HSPA4: variants seen among roughly 807,000 people sequenced by gnomAD.
HSPA4 encodes the protein heat shock protein family A (Hsp70) member 4, also known as heat shock 70 kDa protein 4.
A neutral mutation model predicts 106.2 loss-of-function variants in HSPA4; 25 were observed. The observed-to-expected ratio is 0.24, with a 90% CI of 0.17 to 0.33. HSPA4 has a LOEUF of 0.33. Among genes scored for constraint, HSPA4 ranks in the 10% least tolerant of loss-of-function variants. The probability of loss-of-function intolerance (pLI) is 1.00; values close to 1 mark genes in which losing one functional copy is unlikely to be tolerated. For missense variants in HSPA4, 841 were observed against 996.0 expected (o/e 0.84, Z 2.10); for synonymous variants, 332 against 333.6 (o/e 1.00, Z 0.05).
rs756561855 is a variant in HSPA4, at chr5:133,073,213, C to CT, written c.430-5dup. 0.1 allele frequency: 112,748 copies of CT among 1,097,558 alleles called. 170 individuals carry two copies. Among genetic ancestry groups the CT allele is most frequent in the Non-Finnish European group, 0.11 (90,806 of 792,500 alleles). 68.0% of individuals were successfully genotyped at this position (1,097,558 alleles called of 1,614,324 possible). On this transcript the variant is annotated splice_polypyrimidine_tract_variant and intron_variant, in intron 4 of 18. Coordinates refer to ENST00000304858, the MANE Select transcript of HSPA4 (RefSeq NM_002154.4). ...TAGAATCTATAATACAGTAAGCATT[C>CT]TTTTTTTTTTTTGTAGGTTCCTTGT...
intron 2 of HSPA4, among the ~76,000 whole-genome samples, chr5:133,065,348 T>G (rs1765294384): frequency 1.3e-5 from 2 of 152,232 alleles, no homozygotes; most frequent in Admixed American, 1.3e-4. Flanking sequence ...TATTAGGTGT[T>G]ATAAGTAATC....
Position 133,099,617 on chromosome 5 carries a change from A to G in HSPA4, c.2002A>G (p.Lys668Glu), listed in dbSNP as rs1407082795. Residue 668 changes from lysine (K) to glutamate (E), a missense_variant, in exon 16 of 19, where the codon AAG becomes GAG. By Grantham distance (56) the Lys-to-Glu change is moderately conservative. This residue lies in a region of HSPA4 where 328 missense variants were observed against 372.2 expected (regional missense o/e 0.88). Coordinates refer to ENST00000304858, the MANE Select transcript of HSPA4 (RefSeq NM_002154.4). ...GTATGAGGATGGAGAAGACCAGCCA[A>G]AGCAAGTTTATGTTGATAAGTTGGC... The part of the protein sequence containing the change: ...WLYEDGEDQP[K>E]QVYVDKLAEL... The G allele has an allele frequency of 7.7e-5, 124 of 1,603,748 alleles. No individual in the cohort carries two copies. Among genetic ancestry groups the G allele is most frequent in the Non-Finnish European group, 1.0e-4 (120 of 1,171,898 alleles).
chr5:133,080,680 A>AT (rs200859110), intron 7 of HSPA4, among the ~76,000 whole-genome samples: 68 of 149,570 alleles, frequency 4.5e-4, no homozygotes, highest in African/African-American at 1.6e-3. Context: ...ATATATATAT[A>AT]TTTTTTTTTA....
In HSPA4 at chr5:133,074,133, A is replaced by G. The variant is rs763699104; in HGVS notation, c.663+7A>G. ...TAATAGAGGAAAACTGAAAGTAAGT[A>G]TATATTTTTTTTCCAGAAGACTGTT... is the stretch of plus-strand genomic sequence containing the variant. On this transcript the variant is annotated splice_region_variant and intron_variant, in intron 6 of 18. Transcript: ENST00000304858. 6 of 1,571,810 alleles carry G rather than the reference A, an allele frequency of 3.8e-6. No homozygotes were observed. In the African/African-American group the frequency reaches 4.1e-5, roughly 11 times the overall value.
intron 16 of HSPA4, among the ~76,000 whole-genome samples, chr5:133,101,408 A>T (rs1765783673): frequency 6.6e-6 from 1 of 152,208 alleles, no homozygotes; most frequent in Non-Finnish European, 1.5e-5. Context: ...TAGAGGCTCC[A>T]TCAGATTCAG....
At chr5:133,052,927 G>T (rs950255988) in intron 1 of HSPA4, 1 of 152,542 alleles carries the variant, frequency 6.6e-6, no homozygotes, top group African/African-American at 2.4e-5. Flanking sequence ...CTTGAGATTG[G>T]GTTGGCACGG....
At chr5:133,057,630 T>C (rs1765183594) in intron 1 of HSPA4, among the ~76,000 whole-genome samples, 1 of 152,242 alleles carries the variant, frequency 6.6e-6, no homozygotes, top group Non-Finnish European at 1.5e-5. Flanking sequence ...GTCAGTAGTT[T>C]CTTTTAAGAA....
intron 1 of HSPA4, among the ~76,000 whole-genome samples, chr5:133,061,411 C>T (rs961195267): frequency 5.6e-5 from 8 of 142,484 alleles, no homozygotes; most frequent in Admixed American, 2.7e-4. Flanking sequence ...TGTGAGCCAC[C>T]GCGCCCGGCC....
Position 133,104,284 on chromosome 5 carries a change from G to C in HSPA4, c.2371G>C (p.Glu791Gln). The C allele has an allele frequency of 6.2e-7, 1 of 1,614,072 alleles. No individual in the cohort carries two copies. Among genetic ancestry groups the C allele is most frequent in the Admixed American group, 1.7e-5 (1 of 60,010 alleles). Reference protein sequence around the residue: ...PIISKPKPKVEPPKEEQKNAE... With the variant: ...PIISKPKPKVQPPKEEQKNAE... Reference sequence around the variant, plus strand: ...AATTTCAAAGCCCAAACCCAAAGTGGAACCTCCAAAAGAGGAACAAAAAAA... The same window carrying C: ...AATTTCAAAGCCCAAACCCAAAGTGCAACCTCCAAAAGAGGAACAAAAAAA... The change falls in exon 19 of 19, where the codon GAA becomes CAA. Residue 791 changes from glutamate (E) to glutamine (Q), a missense_variant. Physicochemically the swap from Glu to Gln is conservative, Grantham distance 29 (BLOSUM62 2). Transcript: ENST00000304858.
At chr5:133,089,721 A>AAC in intron 11 of HSPA4, 26 bp downstream of exon 11, 1 of 1,487,906 alleles carries the variant, frequency 6.7e-7, no homozygotes, top group East Asian at 2.4e-5. Context: ...GAAATTAAAA[A>AAC]AGAAAAAAAA....
intron 9 of HSPA4, 47 bp downstream of exon 9, chr5:133,088,602 C>A: frequency 6.6e-7 from 1 of 1,518,228 alleles, no homozygotes; most frequent in Non-Finnish European, 9.1e-7. Context: ...ATCATTGTAA[C>A]AAGATGGCAG....
intron 17 of HSPA4, among the ~76,000 whole-genome samples, chr5:133,102,182 C>A (rs1333075868): frequency 6.6e-6 from 1 of 152,196 alleles, no homozygotes; most frequent in Admixed American, 6.5e-5. Flanking sequence ...CTGCCTTGGC[C>A]TCCCAAAGTG....
At position 133,096,166 on chromosome 5, in the gene HSPA4, G is replaced by C; in HGVS notation, c.1719G>C (p.Lys573Asn). ...QPPQAKKAKV[K>N]TSTVDLPIEN... ...CCCAAGCCAAGAAGGCAAAAGTGAA[G>C]ACCAGTACTGTGGACCTGCCAATCG... Residue 573 changes from lysine to asparagine, a missense_variant, in exon 14 of 19, where the codon AAG becomes AAC. Transcript: ENST00000304858. 6.2e-7 allele frequency: 1 copy of C among 1,614,022 alleles called. No individual in the cohort carries two copies. The highest frequency in any genetic ancestry group is 8.5e-7 in the Non-Finnish European group (1 of 1,179,946).
intron 4 of HSPA4, among the ~76,000 whole-genome samples, chr5:133,071,665 A>T (rs1166615360): frequency 6.6e-6 from 1 of 152,104 alleles, no homozygotes; most frequent in African/African-American, 2.4e-5. Context: ...CTTTTGTCTT[A>T]ATGTTGGTGC....
In HSPA4 at chr5:133,092,708, A is replaced by G. The variant is rs760858305; in HGVS notation, c.1569A>G (p.Gln523=). 13 of 1,610,696 alleles carry G rather than the reference A, an allele frequency of 8.1e-6. No homozygotes were observed. The highest frequency in any genetic ancestry group is 4.0e-5 in the African/African-American group (3 of 74,718). The change falls in exon 13 of 19, where the codon CAA becomes CAG. Residue 523 remains glutamine (Q), a synonymous_variant. Transcript: ENST00000304858. ...TTTGACCTGTTTTTCAGAAGATGCAAGTGGACCAGGAGGAACCACATGTTG... is the reference window on the plus strand; with the variant it reads ...TTTGACCTGTTTTTCAGAAGATGCAGGTGGACCAGGAGGAACCACATGTTG... The part of the protein sequence containing the change: ...DQNAKEEEKM[Q]VDQEEPHVEE...
At chr5:133,073,903 T>TAA in intron 5 of HSPA4, 90 bp from the exon 6 acceptor site, 1 of 784,756 alleles carries the variant, frequency 1.3e-6, no homozygotes, top group Non-Finnish European at 1.9e-6. Flanking sequence ...TGTAGTTGCA[T>TAA]TCGTTATATA....
rs750586576 is a variant in HSPA4 at position 133,088,355 on chromosome 5, ATTG to A, written c.986-46_986-44del. On this transcript the variant is annotated intron_variant, in intron 8 of 18. Transcript: ENST00000304858. Reference sequence around the variant, plus strand: ...AGTTATTTCATCATGGTAAGATGTTATTGTTCTTTCATTTCATTAAAAAAATCT... The same window carrying A: ...AGTTATTTCATCATGGTAAGATGTTATTCTTTCATTTCATTAAAAAAATCT... 5 of 1,327,066 alleles carry A rather than the reference ATTG, an allele frequency of 3.8e-6. 1 individual carries two copies. The highest frequency in any genetic ancestry group is 3.7e-5 in the South Asian group (3 of 81,070). The allele number at this position is 1,327,066 out of a possible 1,614,324, so 82.2% of individuals were successfully genotyped here. A position where few individuals can be genotyped will look rare whatever the true frequency, so the allele number is the denominator to read the frequency against.
At chr5:133,078,324 C>T (rs1166353702) in intron 7 of HSPA4, among the ~76,000 whole-genome samples, 2 of 143,458 alleles carry the variant, frequency 1.4e-5, no homozygotes, top group Non-Finnish European at 3.0e-5. Context: ...AGTGAGACTC[C>T]GTCTCAAAAG....
At chr5:133,099,008 T>G (rs1765750335) in intron 15 of HSPA4, among the ~76,000 whole-genome samples, 1 of 152,156 alleles carries the variant, frequency 6.6e-6, no homozygotes, top group African/African-American at 2.4e-5. Flanking sequence ...TGAAATTTTT[T>G]AACTTACCGA....
Sources: gnomAD v4.1 joint callset for allele counts (sites outside exome capture counted in the v4.1 genomes callset) on GRCh38, gnomAD v4.1.1 for gene constraint, gnomAD v4.1.1 regional missense constraint, MANE v1.5 for transcripts, NCBI Gene and HGNC (gene_info 2026-07-23, HGNC 2026-07-21) for gene names.